The following CHST11 variants were observed in gnomAD, a reference collection of about 807,000 sequenced individuals.
CHST11 encodes the protein carbohydrate sulfotransferase 11.
Under a neutral mutation model 30.4 loss-of-function variants are expected in CHST11, and 9 were observed. That is an observed-to-expected ratio of 0.30 (90% CI 0.18 to 0.52). CHST11 has a LOEUF of 0.52. Among genes scored for constraint, CHST11 ranks in the 20% least tolerant of loss-of-function variants. CHST11 has a pLI of 0.97. For synonymous variants in CHST11, 152 were observed against 187.8 expected (o/e 0.81, Z 1.56); for missense variants, 348 against 460.6 (o/e 0.76, Z 2.24).
intron 2 of CHST11, among the ~76,000 whole-genome samples, chr12:104,724,274 C>T (rs1373217734): frequency 7.0e-6 from 1 of 143,120 alleles, no homozygotes; most frequent in African/African-American, 2.6e-5. Flanking sequence ...AGTCAGGATG[C>T]CTCAGGAGGA....
At chr12:104,637,035 G>A (rs1224747235) in intron 2 of CHST11, among the ~76,000 whole-genome samples, 1 of 151,892 alleles carries the variant, frequency 6.6e-6, no homozygotes, top group Non-Finnish European at 1.5e-5. Context: ...AGGCACAGTG[G>A]CTCACACCTG....
intron 2 of CHST11, among the ~76,000 whole-genome samples, chr12:104,647,249 G>A (rs562832184): frequency 1.1e-4 from 17 of 152,324 alleles, no homozygotes; most frequent in South Asian, 1.0e-3. Context: ...GTCAGAGTCC[G>A]GCAGCAGCAT....
chr12:104,737,188 A>AGCTG (rs1218162904), intron 2 of CHST11, among the ~76,000 whole-genome samples: 2 of 152,262 alleles, frequency 1.3e-5, no homozygotes, highest in African/African-American at 4.8e-5. Flanking sequence ...CCCTGTACCC[A>AGCTG]GAAGCCACGT....
intron 2 of CHST11, among the ~76,000 whole-genome samples, chr12:104,685,953 AC>A (rs1442162779): frequency 6.6e-6 from 1 of 152,168 alleles, no homozygotes; most frequent in East Asian, 1.9e-4. Context: ...TAGGCTGGGC[AC>A]AGTGGCTTAC....
chr12:104,670,121 C>T (rs1423677528), intron 2 of CHST11, among the ~76,000 whole-genome samples: 1 of 152,224 alleles, frequency 6.6e-6, no homozygotes, highest in African/African-American at 2.4e-5. Context: ...GACTCCACAC[C>T]GCCTGCTGCA....
intron 2 of CHST11, among the ~76,000 whole-genome samples, chr12:104,725,791 C>T (rs1472738562): frequency 6.6e-6 from 1 of 152,014 alleles, no homozygotes; most frequent in Non-Finnish European, 1.5e-5. Flanking sequence ...CAGTGGGTCT[C>T]ACAGCCCCAG....
chr12:104,671,559 G>A (rs1327635314), intron 2 of CHST11, among the ~76,000 whole-genome samples: 1 of 152,118 alleles, frequency 6.6e-6, no homozygotes, highest in African/African-American at 2.4e-5. Context: ...TTCCCCCACA[G>A]GTTTCGCAGC....
intron 1 of CHST11, among the ~76,000 whole-genome samples, chr12:104,584,357 A>G (rs771874537): frequency 6.6e-6 from 1 of 151,118 alleles, no homozygotes; most frequent in Non-Finnish European, 1.5e-5. Flanking sequence ...CCCGGGTTCA[A>G]GCGCTTCTTA....
At chr12:104,515,885 G>C (rs139901485) in intron 1 of CHST11, among the ~76,000 whole-genome samples, 57 of 152,350 alleles carry the variant, frequency 3.7e-4, no homozygotes, top group Non-Finnish European at 7.1e-4. Flanking sequence ...AAGCATTGGA[G>C]ATGGTCAAAG....
At chr12:104,750,242 T>TCATGCAG (rs2136144883) in intron 2 of CHST11, among the ~76,000 whole-genome samples, 1 of 152,028 alleles carries the variant, frequency 6.6e-6, no homozygotes, top group South Asian at 2.1e-4. Context: ...AACCGAGTCC[T>TCATGCAG]CATGCAGCAC....
rs2040529412 is a variant in CHST11 at position 104,761,851 on chromosome 12, C to T, written c.*4048C>T. The T allele has an allele frequency of 6.6e-6, 1 of 152,122 alleles. No individual in the cohort carries two copies. The highest frequency in any genetic ancestry group is 2.4e-5 in the African/African-American group (1 of 41,410). 9.4% of individuals were successfully genotyped at this position (152,122 alleles called of 1,614,324 possible). A position where few individuals can be genotyped will look rare whatever the true frequency, so the allele number is the denominator to read the frequency against. ...TCACATATTTGTATGCAGTAGAGAG[C>T]CTGTTGTAGAAAACGCTCCCTGTAT... On this transcript the variant is annotated 3_prime_UTR_variant, in exon 3 of 3. Transcript: ENST00000303694.
At chr12:104,751,920 C>A (rs2040435085) in intron 2 of CHST11, among the ~76,000 whole-genome samples, 1 of 152,196 alleles carries the variant, frequency 6.6e-6, no homozygotes, top group Non-Finnish European at 1.5e-5. Flanking sequence ...TATAAAATAG[C>A]CTCTTATATG....
At chr12:104,565,258 ATTTTTT>A (rs66825272) in intron 1 of CHST11, among the ~76,000 whole-genome samples, 6 of 72,916 alleles carry the variant, frequency 8.2e-5, no homozygotes, top group Admixed American at 1.8e-4. Flanking sequence ...GTTTTCTAGG[ATTTTTT>A]TTTTTTTTTT....
chr12:104,585,391 A>AT (rs11428337), intron 1 of CHST11, among the ~76,000 whole-genome samples: 131,954 of 152,232 alleles, frequency 0.87, 57,412 homozygotes, highest in East Asian at 1. Flanking sequence ...AAACAGTGAG[A>AT]TTTGGGTTGG....
intron 1 of CHST11, among the ~76,000 whole-genome samples, chr12:104,473,805 C>A (rs569388117): frequency 1.3e-5 from 2 of 152,124 alleles, no homozygotes; most frequent in South Asian, 4.2e-4. Flanking sequence ...ATTTTCTCTG[C>A]TAGACTGTAG....
intron 2 of CHST11, among the ~76,000 whole-genome samples, chr12:104,696,339 A>G (rs1269518857): frequency 6.6e-6 from 1 of 152,106 alleles, no homozygotes; most frequent in African/African-American, 2.4e-5. Context: ...CCTATATAAT[A>G]GAAATAAACC....
chr12:104,495,551 G>C (rs542513514), intron 1 of CHST11, among the ~76,000 whole-genome samples: 4 of 152,124 alleles, frequency 2.6e-5, no homozygotes, highest in African/African-American at 9.6e-5. Flanking sequence ...TCTTATTATG[G>C]TTAAACAGTG....
chr12:104,699,091 T>G (rs1442295845), intron 2 of CHST11, among the ~76,000 whole-genome samples: 1 of 152,240 alleles, frequency 6.6e-6, no homozygotes, highest in Admixed American at 6.5e-5. Flanking sequence ...TCCCCTGGAA[T>G]GCTGGTTAAA....
intron 1 of CHST11, among the ~76,000 whole-genome samples, chr12:104,469,142 C>T (rs575590227): frequency 2.9e-4 from 44 of 152,100 alleles, no homozygotes; most frequent in Non-Finnish European, 5.3e-4. Context: ...TTAACATGTG[C>T]GTCCTACACT....
Sources: allele counts gnomAD v4.1 joint callset (sites outside exome capture counted in the v4.1 genomes callset), GRCh38; gene constraint gnomAD v4.1.1; transcripts MANE v1.5; gene names NCBI Gene and HGNC (gene_info 2026-07-23, HGNC 2026-07-21).